Variants in PISD observed in about 807,000 individuals in gnomAD.
PISD encodes the protein phosphatidylserine decarboxylase proenzyme, mitochondrial.
A neutral mutation model predicts 43.5 loss-of-function variants in PISD; 31 were observed. That is an observed-to-expected ratio of 0.71 (90% CI 0.54 to 0.96). The LOEUF (loss-of-function observed/expected upper bound fraction) is 0.96. Ranked by LOEUF, PISD falls within the 40% of genes least tolerant of loss-of-function variation. PISD has a pLI of 0.00. For synonymous variants in PISD, 259 were observed against 228.7 expected (o/e 1.13, Z -1.20); for missense variants, 523 against 548.4 (o/e 0.95, Z 0.46).
chr22:31,621,673 C>T lies in PISD; in HGVS notation c.534G>A (p.Arg178=), dbSNP rs139802809. The T allele has an allele frequency of 2.3e-4, 375 of 1,613,806 alleles. 1 individual carries two copies. In the African/African-American group the frequency reaches 4.4e-3, roughly 19 times the overall value. Residue 178 remains arginine (R), a synonymous_variant, in exon 4 of 8, where the codon CGG becomes CGA. Transcript: ENST00000439502. The part of the protein sequence containing the change: ...FFRRKLKPQA[R]PVCGLHSVIS... Reference sequence around the variant, plus strand: ...CCACGCTGTGCAGGCCACAGACAGGCCGGGCCTGCGGCTTCAGCTTGCGCC... The same window carrying T: ...CCACGCTGTGCAGGCCACAGACAGGTCGGGCCTGCGGCTTCAGCTTGCGCC...
chr22:31,626,846 G>A (rs964155075), intron 3 of PISD, among the ~76,000 whole-genome samples: 1 of 152,050 alleles, frequency 6.6e-6, no homozygotes, highest in African/African-American at 2.4e-5. Flanking sequence ...GGCTGACAGG[G>A]AGCCCACCCC....
chr22:31,628,915 A>G (rs1292019412), intron 3 of PISD: 1 of 985,284 alleles, frequency 1.0e-6, no homozygotes, highest in Non-Finnish European at 1.2e-6. Context: ...CACAGGAAAG[A>G]TGAAATAAGA....
At chr22:31,649,246 T>A (rs1249852580) in intron 2 of PISD, among the ~76,000 whole-genome samples, 1 of 151,806 alleles carries the variant, frequency 6.6e-6, no homozygotes, top group Non-Finnish European at 1.5e-5. Flanking sequence ...TGCAAAGGAT[T>A]TGAATAGACC....
rs2073124806 is a variant in PISD at position 31,630,051 on chromosome 22, C to CG, written c.322-8167dup. ...CAGCTGAGGCCTGGCCACCATGCAGCGGCGTGCGTCTAGTGGGGCGACAAC... is the reference window on the plus strand; with the variant it reads ...CAGCTGAGGCCTGGCCACCATGCAGCGGGCGTGCGTCTAGTGGGGCGACAAC... On this transcript the variant is annotated intron_variant, in intron 3 of 7. Transcript: ENST00000439502. This position sits in a 1 kb window ranked among gnomAD's most constrained non-coding sequence, Gnocchi z 4.4. 2 of 152,130 alleles carry CG rather than the reference C, an allele frequency of 1.3e-5. No individual in the cohort carries two copies. The highest frequency in any genetic ancestry group is 4.8e-5 in the African/African-American group (2 of 41,352). The allele number at this position is 152,130 out of a possible 1,614,324, so 9.4% of individuals were successfully genotyped here.
chr22:31,620,447 G>A lies in PISD; in HGVS notation c.1005+106C>T, dbSNP rs1603392115. 9.7e-6 allele frequency: 11 copies of A among 1,129,800 alleles called. No individual in the cohort carries two copies. The South Asian group carries it at 1.2e-4, about 12-fold the overall frequency. The allele number at this position is 1,129,800 out of a possible 1,614,324, so 70.0% of individuals were successfully genotyped here. On this transcript the variant is annotated intron_variant, in intron 7 of 7. Transcript: ENST00000439502. ...CAGAGCCAGGCCTGACCAGAGCTGT[G>A]GCCTCCCTAGAATTCAGTCCCAACG... is the stretch of plus-strand genomic sequence containing the variant.
chr22:31,625,459 G>C, intron 3 of PISD: 4 of 531,782 alleles, frequency 7.5e-6, no homozygotes, highest in Non-Finnish European at 1.4e-5. Flanking sequence ...CAGAGGCAAG[G>C]GTCTGGGCTG....
Position 31,637,165 on chromosome 22 carries a change from AT to A in PISD, c.321+10935del, listed in dbSNP as rs1426908002. Among the ~76,000 whole-genome samples, 96 of 13,396 alleles carry A rather than the reference AT, an allele frequency of 7.2e-3. 2 individuals are homozygous for A. Among genetic ancestry groups the A allele is most frequent in the African/African-American group, 0.02 (42 of 2,056 alleles). The allele number at this position is 13,396 out of a possible 152,430, so 8.8% of individuals were successfully genotyped here. A position where few individuals can be genotyped will look rare whatever the true frequency, so the allele number is the denominator to read the frequency against. On this transcript the variant is annotated intron_variant, in intron 3 of 7. Transcript: ENST00000439502. ...AATTAAAAAAAAAAAAAAAAAAAAAATATATATATATATATATATATATATA... is the reference window on the plus strand; with the variant it reads ...AATTAAAAAAAAAAAAAAAAAAAAAAATATATATATATATATATATATATA...
Position 31,630,241 on chromosome 22 carries a change from A to G in PISD, c.322-8356T>C, listed in dbSNP as rs1016572131. Among the ~76,000 whole-genome samples, 1 of 152,008 alleles carries G rather than the reference A, an allele frequency of 6.6e-6. No homozygotes were observed. The highest frequency in any genetic ancestry group is 1.5e-5 in the Non-Finnish European group (1 of 67,968). The stretch of plus-strand genomic sequence containing the variant: ...TCGCAGGGGTCTATCCTAGCCGCCC[A>G]AAGACAGGGAACCTCCTCTCAGACA... On this transcript the variant is annotated intron_variant, in intron 3 of 7. Transcript: ENST00000439502. This position sits in a 1 kb window ranked among gnomAD's most constrained non-coding sequence, Gnocchi z 4.4.
rs181576766 is a variant in PISD, at chr22:31,644,304, A to C, written c.321+3797T>G. ...ACCCAGGCTGGAGTGCAGTGGCATG[A>C]TCTCAGCTCACTGCAACCTCCACCT... is the stretch of plus-strand genomic sequence containing the variant. On this transcript the variant is annotated intron_variant, in intron 3 of 7. Coordinates refer to ENST00000439502, the MANE Select transcript of PISD (RefSeq NM_001326411.2). 1.9e-3 allele frequency among the ~76,000 whole-genome samples: 277 copies of C among 148,696 alleles called. 1 individual carries two copies. The highest frequency in any genetic ancestry group is 6.0e-3 in the African/African-American group (241 of 40,268).
At chr22:31,650,574 G>A (rs983769238) in intron 2 of PISD, 125 bp downstream of exon 2, 2 of 546,792 alleles carry the variant, frequency 3.7e-6, no homozygotes, top group Non-Finnish European at 6.5e-6. Context: ...AGTGATAACT[G>A]CATGCCAGGT....
At chr22:31,621,518 TC>T (rs753582530) in intron 4 of PISD, 46 bp from the exon 5 acceptor site, 8 of 1,610,242 alleles carry the variant, frequency 5.0e-6, no homozygotes, top group Non-Finnish European at 5.9e-6. Context: ...CAGGGTCTCC[TC>T]CCCCCAGGAG....
intron 2 of PISD, among the ~76,000 whole-genome samples, chr22:31,650,008 C>T (rs775650882): frequency 1.3e-5 from 2 of 152,224 alleles, no homozygotes; most frequent in Non-Finnish European, 2.9e-5. Flanking sequence ...ACACCTTGAT[C>T]TCAGACATTT....
Position 31,621,656 on chromosome 22 carries a change from T to C in PISD, c.551A>G (p.His184Arg), listed in dbSNP as rs763188379. ...KPQARPVCGL[H>R]SVISPSDGRI... ...GAAAGGGTCAGGCCTCACCACGCTGTGCAGGCCACAGACAGGCCGGGCCTG... is the reference window on the plus strand; with the variant it reads ...GAAAGGGTCAGGCCTCACCACGCTGCGCAGGCCACAGACAGGCCGGGCCTG... The change falls in exon 4 of 8, where the codon CAC becomes CGC. Residue 184 changes from histidine (H) to arginine (R), a missense_variant. Coordinates refer to ENST00000439502, the MANE Select transcript of PISD (RefSeq NM_001326411.2). 1 of 1,612,722 alleles carries C rather than the reference T, an allele frequency of 6.2e-7. No homozygotes were observed. The highest frequency in any genetic ancestry group is 2.2e-5 in the East Asian group (1 of 44,878).
chr22:31,651,574 C>T (rs2074028810), intron 1 of PISD, among the ~76,000 whole-genome samples: 1 of 151,890 alleles, frequency 6.6e-6, no homozygotes, highest in Admixed American at 6.6e-5. Flanking sequence ...CATGGAGAAA[C>T]CCCATCTCTA....
At chr22:31,625,796 G>T in intron 3 of PISD, 1 of 1,599,540 alleles carries the variant, frequency 6.3e-7, no homozygotes, top group East Asian at 2.3e-5. Context: ...TCCTTGCCGC[G>T]CCTCTGACTG....
At chr22:31,662,013 A>G (rs2037028252) in intron 1 of PISD, 131 bp downstream of exon 1, 2 of 771,602 alleles carry the variant, frequency 2.6e-6, no homozygotes, top group Admixed American at 2.0e-5. Flanking sequence ...CCTAAGCTCG[A>G]GGTGAAGGTG....
intron 3 of PISD, among the ~76,000 whole-genome samples, chr22:31,639,089 G>A (rs2073611742): frequency 6.6e-6 from 1 of 150,936 alleles, no homozygotes; most frequent in South Asian, 2.1e-4. Flanking sequence ...CGCCTCCCAG[G>A]TTCAAGCGAT....
chr22:31,647,046 C>A (rs1442249445), intron 3 of PISD, among the ~76,000 whole-genome samples: 2 of 151,866 alleles, frequency 1.3e-5, no homozygotes, highest in African/African-American at 4.8e-5. Flanking sequence ...TGTTAGAAAT[C>A]AAGTGAAGTC....
chr22:31,629,728 C>A (rs1180446120), intron 3 of PISD: 1 of 152,094 alleles, frequency 6.6e-6, no homozygotes, highest in Non-Finnish European at 1.5e-5. Flanking sequence ...GATTCTGGTT[C>A]AAGCCTTAGC....
Sources: gnomAD v4.1 joint callset for allele counts (sites outside exome capture counted in the v4.1 genomes callset) on GRCh38, gnomAD v4.1.1 for gene constraint, Gnocchi (gnomAD v3.1) non-coding constraint, MANE v1.5 for transcripts, NCBI Gene and HGNC (gene_info 2026-07-23, HGNC 2026-07-21) for gene names.